The following RNF213 variants were observed in gnomAD, a reference collection of about 807,000 sequenced individuals.
The protein encoded by RNF213 is ring finger protein 213.
In RNF213, 341 loss-of-function variants were observed where a neutral mutation model predicts 514.4. The ratio of observed to expected loss-of-function variants is 0.66; its 90% CI spans 0.61 to 0.73. The LOEUF is 0.73. Among genes scored for constraint, RNF213 ranks in the 30% least tolerant of loss-of-function variants. RNF213 has a pLI of 0.00. For missense variants in RNF213, 5,767 were observed against 6,615.6 expected (o/e 0.87, Z 4.45); for synonymous variants, 2,655 against 2,658.2 (o/e 1.00, Z 0.04).
chr17:80,362,623 C>T (rs922431073), intron 39 of RNF213, among the ~76,000 whole-genome samples: 2 of 152,216 alleles, frequency 1.3e-5, no homozygotes, highest in African/African-American at 2.4e-5. Flanking sequence ...GCACAGTGGG[C>T]GCCCTGCAGG....
rs539361865 is a variant in RNF213 at position 80,362,836 on chromosome 17, C to T, written c.11356-266C>T. On this transcript the variant is annotated intron_variant, in intron 39 of 67. Coordinates refer to ENST00000582970, the MANE Select transcript of RNF213 (RefSeq NM_001256071.3). Reference sequence around the variant, plus strand: ...GGCCGTATGATGGGTTATTGAGCAGCCATTAAAACCATGTTTTTCAAGTAT... The same window carrying T: ...GGCCGTATGATGGGTTATTGAGCAGTCATTAAAACCATGTTTTTCAAGTAT... 3.3e-5 allele frequency among the ~76,000 whole-genome samples: 5 copies of T among 152,254 alleles called. No individual in the cohort carries two copies. In the East Asian group the frequency reaches 9.6e-4, roughly 29 times the overall value.
intron 17 of RNF213, among the ~76,000 whole-genome samples, chr17:80,324,688 T>G (rs1275729327): frequency 1.3e-5 from 2 of 152,178 alleles, no homozygotes; most frequent in African/African-American, 4.8e-5. Context: ...ATATGCTATA[T>G]TAAGGGTTTA....
chr17:80,270,689 C>T (rs1295542778), intron 2 of RNF213, among the ~76,000 whole-genome samples: 3 of 152,112 alleles, frequency 2.0e-5, no homozygotes, highest in Non-Finnish European at 4.4e-5. Context: ...TAGGGAAGCT[C>T]GTTTTGCTTT....
chr17:80,331,901 T>C (rs954978166), intron 20 of RNF213, 105 bp from the exon 21 acceptor site: 5 of 1,342,780 alleles, frequency 3.7e-6, no homozygotes, highest in Admixed American at 2.5e-5. Context: ...CTGTGTGCTC[T>C]TGAGTTCGCT....
Position 80,361,505 on chromosome 17 carries a change from C to T in RNF213, c.11201-229C>T, listed in dbSNP as rs142745586. 2.2e-3 allele frequency among the ~76,000 whole-genome samples: 328 copies of T among 152,272 alleles called. 1 individual carries two copies. The highest frequency in any genetic ancestry group is 7.5e-3 in the African/African-American group (311 of 41,538). Reference sequence around the variant, plus strand: ...ACCCACCGCACTCCAGCCTGGGCAACAGAGTAAGACTCCATCTCCAAAAAA... The same window carrying T: ...ACCCACCGCACTCCAGCCTGGGCAATAGAGTAAGACTCCATCTCCAAAAAA... On this transcript the variant is annotated intron_variant, in intron 38 of 67. Transcript: ENST00000582970.
chr17:80,331,830 A>C (rs2046424736), intron 20 of RNF213, among the ~76,000 whole-genome samples, 176 bp from the exon 21 acceptor site: 1 of 152,226 alleles, frequency 6.6e-6, no homozygotes, highest in Admixed American at 6.5e-5. Flanking sequence ...AATATTGGTT[A>C]ACAAGGCCAA....
chr17:80,380,350 AGT>A (rs908268281), intron 55 of RNF213, among the ~76,000 whole-genome samples: 3 of 152,168 alleles, frequency 2.0e-5, no homozygotes, highest in African/African-American at 7.2e-5. Flanking sequence ...AAACTGTCAC[AGT>A]GTCCTCCATC....
Position 80,385,574 on chromosome 17 carries a change from T to C in RNF213, c.14492T>C (p.Val4831Ala). The C allele has an allele frequency of 1.2e-6, 2 of 1,614,144 alleles. No homozygotes were observed. The highest frequency in any genetic ancestry group is 1.7e-6 in the Non-Finnish European group (2 of 1,180,006). ...LRQLLHNRIT[V>A]FLSTWNKLRR... ...CAGCTGCTTCACAACAGGATCACAGTCTTTCTGTCCACATGGAACAAACTG... is the reference window on the plus strand; with the variant it reads ...CAGCTGCTTCACAACAGGATCACAGCCTTTCTGTCCACATGGAACAAACTG... Residue 4831 changes from valine (V) to alanine (A), a missense_variant, in exon 61 of 68, where the codon GTC becomes GCC. By Grantham distance (64) the Val-to-Ala change is moderately conservative (BLOSUM62 0). Coordinates refer to ENST00000582970, the MANE Select transcript of RNF213 (RefSeq NM_001256071.3).
chr17:80,355,614 TGAGTG>T (rs1568123382), intron 36 of RNF213, among the ~76,000 whole-genome samples: 3 of 21,744 alleles, frequency 1.4e-4, no homozygotes, highest in Middle Eastern at 0.029. Context: ...AGAAGCGGGG[TGAGTG>T]GGAATGGGGG....
Position 80,347,892 on chromosome 17 carries a change from G to A in RNF213, c.9557G>A (p.Ser3186Asn). The change falls in exon 29 of 68, where the codon AGC becomes AAC. Residue 3186 changes from serine (S) to asparagine (N), a missense_variant. Physicochemically the swap from Ser to Asn is conservative, Grantham distance 46. Transcript: ENST00000582970. This position sits in a 1 kb window ranked among gnomAD's most constrained non-coding sequence, Gnocchi z 7.2. Reference protein sequence around the residue: ...INTVLEKWQKSIVEELCAWVE... With the variant: ...INTVLEKWQKNIVEELCAWVE... Reference sequence around the variant, plus strand: ...ACGGTGCTGGAGAAATGGCAGAAGAGCATCGTGGAGGAGCTCTGTGCGTGG... The same window carrying A: ...ACGGTGCTGGAGAAATGGCAGAAGAACATCGTGGAGGAGCTCTGTGCGTGG... 1 of 1,614,264 alleles carries A rather than the reference G, an allele frequency of 6.2e-7. No individual in the cohort carries two copies. Among genetic ancestry groups the A allele is most frequent in the Non-Finnish European group, 8.5e-7 (1 of 1,180,044 alleles).
rs1291300551 is a variant in RNF213, at chr17:80,288,038, G to A, written c.485G>A (p.Gly162Asp). ...GCCACCACGCCACTGGAGGGTGACGGCCTCTCCGCGCCCACCGAGGTTGGC... is the reference window on the plus strand; with the variant it reads ...GCCACCACGCCACTGGAGGGTGACGACCTCTCCGCGCCCACCGAGGTTGGC... ...GTATTPLEGD[G>D]LSAPTEVGDS... The change falls in exon 4 of 68, where the codon GGC (glycine) becomes GAC (aspartate). Residue 162 changes from glycine to aspartate, a missense_variant. Gly to Asp is a moderately conservative substitution (Grantham distance 94, BLOSUM62 -1). Transcript: ENST00000582970. The surrounding 1 kb of genome is among the most constrained non-coding windows in gnomAD (Gnocchi z 4.9). The A allele has an allele frequency of 6.2e-7, 1 of 1,600,690 alleles. No individual in the cohort carries two copies. The highest frequency in any genetic ancestry group is 1.7e-4 in the Middle Eastern group (1 of 6,040).
In RNF213 at chr17:80,362,198, C is replaced by T. The variant is rs770408880; in HGVS notation, c.11355+310C>T. On this transcript the variant is annotated intron_variant, in intron 39 of 67. Coordinates refer to ENST00000582970, the MANE Select transcript of RNF213 (RefSeq NM_001256071.3). ...AGTTTCTCTTGAAAAAAATTAAATA[C>T]GTAACTAACCCTACAGGGTAAGAAT... Among the ~76,000 whole-genome samples the T allele has an allele frequency of 3.9e-5, 6 of 152,096 alleles. No individual in the cohort carries two copies. The East Asian group carries it at 5.8e-4, about 15-fold the overall frequency.
chr17:80,345,932 G>A lies in RNF213; in HGVS notation c.7597G>A (p.Glu2533Lys), dbSNP rs767337241. Residue 2533 changes from glutamate (E) to lysine (K), a missense_variant, in exon 29 of 68, where the codon GAG (glutamate) becomes AAG (lysine). Glu to Lys is a moderately conservative substitution (Grantham distance 56). This residue lies in a region of RNF213 where 1,377 missense variants were observed against 1,635.2 expected (regional missense o/e 0.84). Transcript: ENST00000582970. This position sits in a 1 kb window ranked among gnomAD's most constrained non-coding sequence, Gnocchi z 6.0. Reference sequence around the variant, plus strand: ...CAATCCATACCGGAAGCACTCTGAGGAGATGATCTGCCGTTTGGAGTCAGC... The same window carrying A: ...CAATCCATACCGGAAGCACTCTGAGAAGATGATCTGCCGTTTGGAGTCAGC... ...ACNPYRKHSE[E>K]MICRLESAGL... is the part of the protein sequence containing the mutation. The A allele has an allele frequency of 6.8e-6, 11 of 1,614,124 alleles. No individual in the cohort carries two copies. The South Asian group carries it at 8.8e-5, about 13-fold the overall frequency.
At chr17:80,360,762 G>A (rs574652103) in intron 38 of RNF213, among the ~76,000 whole-genome samples, 115 of 152,246 alleles carry the variant, frequency 7.6e-4, no homozygotes, top group Non-Finnish European at 1.5e-3. Flanking sequence ...CAACGACAAC[G>A]CAACACTTTT....
intron 3 of RNF213, chr17:80,278,888 T>C (rs753270179): frequency 3.9e-6 from 6 of 1,537,172 alleles, no homozygotes; most frequent in Non-Finnish European, 4.4e-6. Context: ...GCCGCCAGCG[T>C]GCCTTCTGCA....
At chr17:80,302,065 G>A (rs1239156224) in intron 11 of RNF213, among the ~76,000 whole-genome samples, 1 of 152,182 alleles carries the variant, frequency 6.6e-6, no homozygotes, top group Non-Finnish European at 1.5e-5. Flanking sequence ...CCACTCATAC[G>A]TGGATGTGAA....
At chr17:80,294,255 T>C (rs368664404) in intron 8 of RNF213, among the ~76,000 whole-genome samples, 1 of 152,236 alleles carries the variant, frequency 6.6e-6, no homozygotes, top group Non-Finnish European at 1.5e-5. Context: ...CTGGGCAGCC[T>C]GCACCTTCCT....
chr17:80,288,297 A>G lies in RNF213; in HGVS notation c.744A>G (p.Gly248=). ...AQELLLPESK[G]GSSEPGTELQ... is the part of the protein sequence containing the mutation. Reference sequence around the variant, plus strand: ...AGCTCCTGTTGCCTGAGTCAAAAGGAGGCAGCTCTGAGCCCGGGACAGAAC... The same window carrying G: ...AGCTCCTGTTGCCTGAGTCAAAAGGGGGCAGCTCTGAGCCCGGGACAGAAC... Residue 248 remains glycine (G), a synonymous_variant, in exon 4 of 68, where the codon GGA becomes GGG. Coordinates refer to ENST00000582970, the MANE Select transcript of RNF213 (RefSeq NM_001256071.3). The surrounding 1 kb of genome is among the most constrained non-coding windows in gnomAD (Gnocchi z 4.9). 6.2e-7 allele frequency: 1 copy of G among 1,613,068 alleles called. No individual in the cohort carries two copies.
chr17:80,388,322 G>A (rs752300337), intron 63 of RNF213, among the ~76,000 whole-genome samples: 2 of 152,178 alleles, frequency 1.3e-5, no homozygotes, highest in Non-Finnish European at 2.9e-5. Context: ...TAAATGAATG[G>A]GATATGCACA....
Sources: allele counts gnomAD v4.1 joint callset (sites outside exome capture counted in the v4.1 genomes callset), GRCh38; gene constraint gnomAD v4.1.1; regional missense constraint gnomAD v4.1.1; non-coding constraint Gnocchi (gnomAD v3.1); transcripts MANE v1.5; gene names NCBI Gene and HGNC (gene_info 2026-07-23, HGNC 2026-07-21).